MISP: variants seen among roughly 807,000 people sequenced by gnomAD.
The protein encoded by MISP is mitotic spindle positioning.
A neutral mutation model predicts 49.3 loss-of-function variants in MISP; 51 were observed. The ratio of observed to expected loss-of-function variants is 1.03; its 90% CI spans 0.83 to 1.31. MISP has a LOEUF of 1.31. Ranked by LOEUF, MISP falls within the 50% of genes most tolerant of loss-of-function variation. The pLI, the probability that MISP is intolerant of heterozygous loss-of-function variation, is 0.00. For missense variants in MISP, 1,084 were observed against 935.1 expected (o/e 1.16, Z -2.08); for synonymous variants, 444 against 392.6 (o/e 1.13, Z -1.55).
chr19:761,798 C>T, intron 4 of MISP, 135 bp downstream of exon 4: 1 of 935,520 alleles, frequency 1.1e-6, no homozygotes, highest in Non-Finnish European at 1.7e-6. Context: ...GTAGTGTCTG[C>T]TCAGGGTGGA....
At chr19:754,552 G>A (rs1206657695) in intron 1 of MISP, among the ~76,000 whole-genome samples, 1 of 152,232 alleles carries the variant, frequency 6.6e-6, no homozygotes, top group East Asian at 1.9e-4. Context: ...GCTTGAACCC[G>A]GGAGGTGGAG....
rs778316584 is a variant in MISP, at chr19:758,593, G to A, written c.1647G>A (p.Arg549=). ...CCCAGTCATCTGATCTGCTGGAAAG[G>A]GAGAGGGAGAGTGTCCTGCGCCGGG... ...QKSQSSDLLE[R]ERESVLRREQ... The change falls in exon 2 of 5, where the codon AGG becomes AGA. Residue 549 remains arginine, a synonymous_variant. Coordinates refer to ENST00000215582, the MANE Select transcript of MISP (RefSeq NM_173481.4). 3.3e-5 allele frequency: 54 copies of A among 1,614,144 alleles called. No individual in the cohort carries two copies. The Admixed American group carries it at 5.0e-4, about 15-fold the overall frequency.
rs2033563016 is a variant in MISP, at chr19:757,137, A to T, written c.191A>T (p.Gln64Leu). 3 of 1,613,162 alleles carry T rather than the reference A, an allele frequency of 1.9e-6. No individual in the cohort carries two copies. The highest frequency in any genetic ancestry group is 2.5e-6 in the Non-Finnish European group (3 of 1,179,894). ...DHRAQQGVQRQGVSYSVHAYT... is the reference protein window; with the variant it reads ...DHRAQQGVQRLGVSYSVHAYT... ...AGGGCCCAGCAGGGCGTGCAGAGGCAGGGGGTGTCCTACAGCGTGCATGCC... is the reference window on the plus strand; with the variant it reads ...AGGGCCCAGCAGGGCGTGCAGAGGCTGGGGGTGTCCTACAGCGTGCATGCC... Residue 64 changes from glutamine to leucine, a missense_variant, in exon 2 of 5, where the codon CAG becomes CTG. Gln to Leu is a moderately radical substitution (Grantham distance 113). Coordinates refer to ENST00000215582, the MANE Select transcript of MISP (RefSeq NM_173481.4).
At position 757,993 on chromosome 19, in the gene MISP, C is replaced by T. The variant is rs763218242; in HGVS notation, c.1047C>T (p.Leu349=). The T allele has an allele frequency of 2.0e-5, 31 of 1,576,422 alleles. No individual in the cohort carries two copies. Among genetic ancestry groups the T allele is most frequent in the Non-Finnish European group, 2.5e-5 (29 of 1,165,936 alleles). Residue 349 remains leucine (L), a synonymous_variant, in exon 2 of 5, where the codon CTC becomes CTT. Transcript: ENST00000215582. The stretch of plus-strand genomic sequence containing the variant: ...GGCGGGAGAGAGGGCGCCCGTCCCT[C>T]TACGTGCAGCGGGACATAGTACAGG... ...APRRERGRPS[L]YVQRDIVQET... is the part of the protein sequence containing the mutation.
At position 763,661 on chromosome 19, in the gene MISP, C is replaced by A. The variant is rs1163851988; in HGVS notation, c.*71C>A. The stretch of plus-strand genomic sequence containing the variant: ...GGGAACTGCCAAGACCATCGCCAAG[C>A]CCCCACCCTAGGAAATGGGTCCTAG... On this transcript the variant is annotated 3_prime_UTR_variant, in exon 5 of 5. Coordinates refer to ENST00000215582, the MANE Select transcript of MISP (RefSeq NM_173481.4). 3.5e-6 allele frequency: 4 copies of A among 1,131,740 alleles called. No homozygotes were observed. Among genetic ancestry groups the A allele is most frequent in the South Asian group, 1.3e-5 (1 of 78,008 alleles). 70.1% of individuals were successfully genotyped at this position (1,131,740 alleles called of 1,614,324 possible).
intron 4 of MISP, 23 bp downstream of exon 4, chr19:761,686 A>C: frequency 6.2e-7 from 1 of 1,613,944 alleles, no homozygotes; most frequent in Non-Finnish European, 8.5e-7. Context: ...CTGGGCACGA[A>C]GACTCAAGTC....
chr19:753,185 G>C (rs1050673933), intron 1 of MISP, among the ~76,000 whole-genome samples: 1 of 152,150 alleles, frequency 6.6e-6, no homozygotes, highest in African/African-American at 2.4e-5. Flanking sequence ...AAGCTCAGCT[G>C]TTTGTGTGGG....
Position 758,061 on chromosome 19 carries a change from TGGGCC to T in MISP, c.1120_1124del (p.Arg374ValfsTer48). The T allele has an allele frequency of 2.6e-6, 4 of 1,566,244 alleles. No individual in the cohort carries two copies. The highest frequency in any genetic ancestry group is 3.5e-6 in the Non-Finnish European group (4 of 1,158,492). On this transcript the variant is annotated frameshift_variant, in exon 2 of 5. Coordinates refer to ENST00000215582, the MANE Select transcript of MISP (RefSeq NM_173481.4). LOFTEE classifies it high-confidence loss of function. ...GACCACCGGCGGGAGGGCCTGCACG[TGGGCC>T]GGGCGTCCACACCCGACTGGGTCTC...
At chr19:762,550 G>A (rs990155506) in intron 4 of MISP, among the ~76,000 whole-genome samples, 1 of 152,178 alleles carries the variant, frequency 6.6e-6, no homozygotes, top group Admixed American at 6.6e-5. Context: ...ACCGCACCCA[G>A]CCAAAGGCAC....
At chr19:760,113 A>G in intron 3 of MISP, 74 bp downstream of exon 3, 1 of 1,578,184 alleles carries the variant, frequency 6.3e-7, no homozygotes, top group Non-Finnish European at 8.6e-7. Flanking sequence ...AGGAAGTTCA[A>G]GCAGGACTCA....
rs1209920572 is a variant in MISP at position 758,289 on chromosome 19, G to A, written c.1343G>A (p.Ser448Asn). 6.2e-6 allele frequency: 10 copies of A among 1,614,002 alleles called. No individual in the cohort carries two copies. The highest frequency in any genetic ancestry group is 8.5e-6 in the Non-Finnish European group (10 of 1,180,038). The change falls in exon 2 of 5, where the codon AGC becomes AAC. Residue 448 changes from serine to asparagine, a missense_variant. Physicochemically the swap from Ser to Asn is conservative, Grantham distance 46. Transcript: ENST00000215582. ...FSAFGAFGKP[S>N]SLSTAEAKAA... ...GCCTTCGGAGCATTCGGCAAGCCCA[G>A]CAGTCTCTCCACAGCGGAGGCCAAG...
rs573783017 is a variant in MISP at position 753,800 on chromosome 19, A to G, written c.-58+2629A>G. Among the ~76,000 whole-genome samples, 49 of 150,374 alleles carry G rather than the reference A, an allele frequency of 3.3e-4. No individual in the cohort carries two copies. The South Asian group carries it at 9.3e-3, about 29-fold the overall frequency. ...TGGGGGTTTGTTTTTCTTTTGAGAC[A>G]GGGTCTTTCTCTGTCACCCAGGCTG... On this transcript the variant is annotated intron_variant, in intron 1 of 4. Transcript: ENST00000215582.
chr19:757,363 G>C lies in MISP; in HGVS notation c.417G>C (p.Leu139=). 1 of 1,612,986 alleles carries C rather than the reference G, an allele frequency of 6.2e-7. No homozygotes were observed. Among genetic ancestry groups the C allele is most frequent in the Non-Finnish European group, 8.5e-7 (1 of 1,179,614 alleles). Residue 139 remains leucine, a synonymous_variant, in exon 2 of 5, where the codon CTG becomes CTC. Coordinates refer to ENST00000215582, the MANE Select transcript of MISP (RefSeq NM_173481.4). ...CTGACCCCAGGAGGCTGTGTGACCT[G>C]GAGCGGGAGCGCTGGGCCGTCATCC... ...GDADPRRLCD[L]ERERWAVIQG...
chr19:757,263 G>T lies in MISP; in HGVS notation c.317G>T (p.Arg106Leu). The change falls in exon 2 of 5, where the codon CGT becomes CTT. Residue 106 changes from arginine to leucine, a missense_variant. By Grantham distance (102) the Arg-to-Leu change is moderately radical. Transcript: ENST00000215582. ...RLGARDAHQG[R>L]PTWALRPEDG... is the part of the protein sequence containing the mutation. ...GGCGCCAGGGATGCCCACCAGGGAC[G>T]TCCAACATGGGCACTCCGCCCAGAG... 1.2e-6 allele frequency: 2 copies of T among 1,613,950 alleles called. No homozygotes were observed. Among genetic ancestry groups the T allele is most frequent in the Non-Finnish European group, 1.7e-6 (2 of 1,179,968 alleles).
rs756224885 is a variant in MISP, at chr19:757,759, A to T, written c.813A>T (p.Gln271His). 4.1e-5 allele frequency: 66 copies of T among 1,613,666 alleles called. No individual in the cohort carries two copies. In the Middle Eastern group the frequency reaches 1.7e-3, roughly 40 times the overall value. Reference sequence around the variant, plus strand: ...CTGTGCCCACCTGGGCCAGTGTCCAAGTTGTGGATGACCCTGGCTCCTTGG... The same window carrying T: ...CTGTGCCCACCTGGGCCAGTGTCCATGTTGTGGATGACCCTGGCTCCTTGG... ...VRAVPTWASV[Q>H]VVDDPGSLAS... Residue 271 changes from glutamine to histidine, a missense_variant, in exon 2 of 5, where the codon CAA becomes CAT. Physicochemically the swap from Gln to His is conservative, Grantham distance 24. Coordinates refer to ENST00000215582, the MANE Select transcript of MISP (RefSeq NM_173481.4).
At chr19:759,601 C>G (rs1017212285) in intron 2 of MISP, among the ~76,000 whole-genome samples, 2 of 151,650 alleles carry the variant, frequency 1.3e-5, no homozygotes, top group African/African-American at 4.8e-5. Context: ...GGGGTTTCAC[C>G]GTGTTAGCCA....
chr19:754,212 C>G (rs2033507893), intron 1 of MISP, among the ~76,000 whole-genome samples: 2 of 152,088 alleles, frequency 1.3e-5, no homozygotes, highest in Non-Finnish European at 2.9e-5. Context: ...CGCCTGTAAT[C>G]CCAACACTTT....
At chr19:750,527 G>A (rs143938858), upstream of MISP, among the ~76,000 whole-genome samples, 3 of 152,204 alleles carry the variant, frequency 2.0e-5, 1 homozygote, top group Middle Eastern at 6.8e-3. Flanking sequence ...ATGTGGATGG[G>A]GCCTAGGGAA....
Position 763,636 on chromosome 19 carries a change from G to A in MISP, c.*46G>A. The A allele has an allele frequency of 7.0e-7, 1 of 1,435,556 alleles. No homozygotes were observed. Among genetic ancestry groups the A allele is most frequent in the Non-Finnish European group, 9.7e-7 (1 of 1,028,054 alleles). 88.9% of individuals were successfully genotyped at this position (1,435,556 alleles called of 1,614,324 possible). ...CCCCCTGCCCTGCCCTGACCCTCGT[G>A]GGAACTGCCAAGACCATCGCCAAGC... On this transcript the variant is annotated 3_prime_UTR_variant, in exon 5 of 5. Transcript: ENST00000215582.
Sources: allele counts gnomAD v4.1 joint callset (sites outside exome capture counted in the v4.1 genomes callset), GRCh38; gene constraint gnomAD v4.1.1; transcripts MANE v1.5; gene names NCBI Gene and HGNC (gene_info 2026-07-23, HGNC 2026-07-21).